Variants in ATP10B observed in about 807,000 individuals in gnomAD.
The protein encoded by ATP10B is ATPase phospholipid transporting 10B (putative).
A neutral mutation model predicts 141.2 loss-of-function variants in ATP10B; 122 were observed. That is an observed-to-expected ratio of 0.86 (90% CI 0.75 to 1.00). The LOEUF (loss-of-function observed/expected upper bound fraction) is 1.00, where lower values mean the gene tolerates loss of function less well. Ranked by LOEUF, ATP10B falls within the 50% of genes least tolerant of loss-of-function variation. The pLI, the probability that ATP10B is intolerant of heterozygous loss-of-function variation, is 0.00. For missense variants in ATP10B, 1,876 were observed against 1,825.3 expected (o/e 1.03, Z -0.51); for synonymous variants, 685 against 692.0 (o/e 0.99, Z 0.16).
rs548610367 is a variant in ATP10B at position 160,651,904 on chromosome 5, C to A, written c.676-2648G>T. ...CTGTAATTTGTCAGCTGCTTTCATG[C>A]CCCTGATTAAGTCATGTGCTTCACT... On this transcript the variant is annotated intron_variant, in intron 7 of 25. Transcript: ENST00000327245. 8.5e-5 allele frequency among the ~76,000 whole-genome samples: 13 copies of A among 152,214 alleles called. No homozygotes were observed. The South Asian group carries it at 2.5e-3, about 29-fold the overall frequency.
At chr5:160,678,990 A>G (rs1763212153) in intron 6 of ATP10B, among the ~76,000 whole-genome samples, 1 of 152,240 alleles carries the variant, frequency 6.6e-6, no homozygotes, top group Non-Finnish European at 1.5e-5. Flanking sequence ...ATGTCATCTG[A>G]ACACCTTTTC....
rs187366939 is a variant in ATP10B at position 160,604,060 on chromosome 5, C to T, written c.3161-19G>A. 34 of 1,609,892 alleles carry T rather than the reference C, an allele frequency of 2.1e-5. No homozygotes were observed. Among genetic ancestry groups the T allele is most frequent in the East Asian group, 6.7e-5 (3 of 44,834 alleles). ...CCATCACCTGAAAGAGAGGTCATAA[C>T]GTGTCTTTATTTTTGGTCCAACTGC... On this transcript the variant is annotated intron_variant, in intron 19 of 25. Transcript: ENST00000327245.
chr5:160,867,532 C>G, the ATP10B span, among the ~76,000 whole-genome samples: 1 of 152,112 alleles, frequency 6.6e-6, no homozygotes, highest in Admixed American at 6.6e-5. Context: ...GGAACTAAAT[C>G]TCAGGTTTTT....
chr5:160,785,723 A>C lies in ATP10B; in HGVS notation c.-495T>G. ...TCCACTGAGTGAGATGAATAATAGGAAAAACTACTTACTCTTCACACTGTT... is the reference window on the plus strand; with the variant it reads ...TCCACTGAGTGAGATGAATAATAGGCAAAACTACTTACTCTTCACACTGTT... On this transcript the variant is annotated 5_prime_UTR_variant, in exon 2 of 26. Transcript: ENST00000327245. 1.6e-6 allele frequency: 2 copies of C among 1,273,178 alleles called. No individual in the cohort carries two copies. Among genetic ancestry groups the C allele is most frequent in the Non-Finnish European group, 2.0e-6 (2 of 979,944 alleles). The allele number at this position is 1,273,178 out of a possible 1,614,324, so 78.9% of individuals were successfully genotyped here. A position where few individuals can be genotyped will look rare whatever the true frequency, so the allele number is the denominator to read the frequency against.
At chr5:160,692,647 A>T (rs1764136676) in intron 3 of ATP10B, 1 of 152,228 alleles carries the variant, frequency 6.6e-6, no homozygotes, top group African/African-American at 2.4e-5. Flanking sequence ...AAGTCCGGTG[A>T]AACAGCTGAC....
the ATP10B span, among the ~76,000 whole-genome samples, chr5:160,884,147 C>T: frequency 6.6e-6 from 1 of 152,182 alleles, no homozygotes; most frequent in Non-Finnish European, 1.5e-5. Flanking sequence ...GACTGTTACC[C>T]TCCTCACACA....
chr5:160,874,836 AAAG>A, the ATP10B span, among the ~76,000 whole-genome samples: 1 of 147,694 alleles, frequency 6.8e-6, no homozygotes, highest in Non-Finnish European at 1.5e-5. Context: ...TTTAGAGAAA[AAAG>A]AATAAAAAGA....
intron 6 of ATP10B, among the ~76,000 whole-genome samples, chr5:160,683,205 C>T (rs1763540450): frequency 6.6e-6 from 1 of 152,132 alleles, no homozygotes; most frequent in Admixed American, 6.6e-5. Context: ...TAAATGTTAA[C>T]TCTGGCTGTC....
At chr5:160,843,896 T>TA (rs1392966430) in intron 1 of ATP10B, among the ~76,000 whole-genome samples, 2 of 152,112 alleles carry the variant, frequency 1.3e-5, no homozygotes, top group African/African-American at 4.8e-5. Context: ...TTTTATACTT[T>TA]TCTGTAATTT....
chr5:160,576,101 T>C (rs939937427), intron 24 of ATP10B, among the ~76,000 whole-genome samples: 1 of 152,194 alleles, frequency 6.6e-6, no homozygotes, highest in Non-Finnish European at 1.5e-5. Context: ...CTGGGTCATA[T>C]GTACATGCCT....
the ATP10B span, among the ~76,000 whole-genome samples, chr5:160,918,995 A>G: frequency 2.0e-5 from 3 of 151,186 alleles, no homozygotes; most frequent in East Asian, 2.0e-4. Flanking sequence ...GGAGGCCGAG[A>G]TGGGCGGATC....
the ATP10B span, among the ~76,000 whole-genome samples, chr5:160,873,541 C>T: frequency 1.2e-4 from 19 of 152,266 alleles, no homozygotes; most frequent in South Asian, 2.1e-4. Context: ...CCAAGTTGGC[C>T]GAATAGGAAC....
intron 7 of ATP10B, among the ~76,000 whole-genome samples, chr5:160,655,763 G>A (rs1244550239): frequency 6.6e-6 from 1 of 152,166 alleles, no homozygotes; most frequent in Non-Finnish European, 1.5e-5. Flanking sequence ...GTTCATTCAT[G>A]CGTGCATTCA....
At chr5:160,838,125 C>T (rs572108488) in intron 1 of ATP10B, among the ~76,000 whole-genome samples, 33 of 152,230 alleles carry the variant, frequency 2.2e-4, no homozygotes, top group Non-Finnish European at 2.6e-4. Context: ...CAATTCATGA[C>T]GCCTCTCTTC....
At chr5:160,929,258 G>A in the ATP10B span, among the ~76,000 whole-genome samples, 3 of 152,164 alleles carry the variant, frequency 2.0e-5, no homozygotes, top group Non-Finnish European at 4.4e-5. Flanking sequence ...TAGCTGACAG[G>A]GAGGGTTGGC....
intron 6 of ATP10B, among the ~76,000 whole-genome samples, chr5:160,683,442 C>T (rs1439026296): frequency 6.6e-6 from 1 of 152,182 alleles, no homozygotes; most frequent in African/African-American, 2.4e-5. Context: ...TTTCCCCTGG[C>T]TACAATTTTC....
chr5:160,608,982 T>C (rs915902528), intron 18 of ATP10B, among the ~76,000 whole-genome samples: 2 of 152,208 alleles, frequency 1.3e-5, no homozygotes, highest in African/African-American at 4.8e-5. Flanking sequence ...TTGCCTTTGG[T>C]GTTTTAGTCA....
At chr5:160,734,063 A>T (rs1766938409) in intron 2 of ATP10B, among the ~76,000 whole-genome samples, 1 of 136,344 alleles carries the variant, frequency 7.3e-6, no homozygotes, top group Admixed American at 8.0e-5. Context: ...AGCCGATATC[A>T]TGTCACTGCA....
At chr5:160,569,049 C>T (rs1004121088) in intron 25 of ATP10B, among the ~76,000 whole-genome samples, 2 of 152,142 alleles carry the variant, frequency 1.3e-5, no homozygotes, top group African/African-American at 2.4e-5. Flanking sequence ...TTCCTTGTGG[C>T]CATGATAGAA....
Sources: allele counts gnomAD v4.1 joint callset (sites outside exome capture counted in the v4.1 genomes callset), GRCh38; gene constraint gnomAD v4.1.1; transcripts MANE v1.5; gene names NCBI Gene and HGNC (gene_info 2026-07-23, HGNC 2026-07-21).